The following MYO1B variants were observed in gnomAD, a reference collection of about 807,000 sequenced individuals.
The protein encoded by MYO1B is unconventional myosin-Ib.
Under a neutral mutation model 159.7 loss-of-function variants are expected in MYO1B, and 72 were observed. That is an observed-to-expected ratio of 0.45 (90% CI 0.37 to 0.55). The LOEUF (loss-of-function observed/expected upper bound fraction) is 0.55. Ranked by LOEUF, MYO1B falls within the 20% of genes least tolerant of loss-of-function variation. The probability of loss-of-function intolerance (pLI) is 0.00; values close to 1 mark genes in which losing one functional copy is unlikely to be tolerated. For missense variants in MYO1B, 1,062 were observed against 1,364.8 expected, an observed-to-expected ratio of 0.78 and a Z score of 3.50; for synonymous variants, 468 against 473.8, an observed-to-expected ratio of 0.99 and a Z score of 0.16.
chr2:191,370,520 T>C (rs1407290018), intron 13 of MYO1B, among the ~76,000 whole-genome samples: 1 of 152,100 alleles, frequency 6.6e-6, no homozygotes, highest in Non-Finnish European at 1.5e-5. Context: ...TGTGTGTGTG[T>C]GTGTGTGGTG....
At chr2:191,422,707 T>C (rs1395373008) in intron 30 of MYO1B, among the ~76,000 whole-genome samples, 2 of 152,160 alleles carry the variant, frequency 1.3e-5, no homozygotes, top group East Asian at 3.8e-4. Context: ...AAAAACTATG[T>C]AGGACATATG....
intron 21 of MYO1B, among the ~76,000 whole-genome samples, chr2:191,399,994 G>A (rs954391028): frequency 3.9e-5 from 6 of 152,164 alleles, no homozygotes; most frequent in African/African-American, 1.4e-4. Context: ...GAATAAAAAG[G>A]ACAGCTACAG....
intron 1 of MYO1B, among the ~76,000 whole-genome samples, chr2:191,260,187 C>G (rs1009756284): frequency 6.9e-6 from 1 of 145,452 alleles, no homozygotes; most frequent in East Asian, 2.0e-4. Flanking sequence ...GAGTGGGTAG[C>G]TATCCCTGTA....
intron 4 of MYO1B, among the ~76,000 whole-genome samples, chr2:191,336,980 A>G (rs1049561353): frequency 3.3e-5 from 5 of 152,198 alleles, no homozygotes; most frequent in Non-Finnish European, 5.9e-5. Flanking sequence ...CATACATGAT[A>G]TTGCCTATAT....
intron 21 of MYO1B, among the ~76,000 whole-genome samples, chr2:191,396,992 G>T (rs1389666134): frequency 3.9e-5 from 6 of 152,216 alleles, no homozygotes; most frequent in Admixed American, 3.9e-4. Context: ...TGCTGCCAAG[G>T]CTTGGTTCAA....
At chr2:191,387,822 A>G (rs906702169) in intron 17 of MYO1B, 3 of 304,832 alleles carry the variant, frequency 9.8e-6, no homozygotes, top group Non-Finnish European at 1.9e-5. Context: ...TTCATTTGGG[A>G]TTCTTGTTCT....
chr2:191,248,109 CTACTGTTTTCAATA>C, intron 1 of MYO1B: 1 of 746,022 alleles, frequency 1.3e-6, no homozygotes, highest in Non-Finnish European at 1.6e-6. Flanking sequence ...TACCTCCCTT[CTACTGTTTTCAATA>C]GCTGAACATT....
chr2:191,408,416 TAC>T (rs1158483404), intron 25 of MYO1B, among the ~76,000 whole-genome samples: 9 of 152,222 alleles, frequency 5.9e-5, no homozygotes, highest in African/African-American at 2.2e-4. Flanking sequence ...ATATTATTAA[TAC>T]AGTGTTTGCC....
intron 7 of MYO1B, chr2:191,350,468 G>T: frequency 3.4e-6 from 1 of 290,572 alleles, no homozygotes; most frequent in Non-Finnish European, 6.3e-6. Context: ...ATAAATATTT[G>T]CGCTACTGTT....
chr2:191,293,660 A>C (rs902910855), intron 2 of MYO1B, among the ~76,000 whole-genome samples: 2 of 152,130 alleles, frequency 1.3e-5, no homozygotes, highest in Non-Finnish European at 2.9e-5. Context: ...GATTACCAGA[A>C]GTGTTCTCAT....
chr2:191,358,494 GGTT>G (rs1220519723), intron 7 of MYO1B, among the ~76,000 whole-genome samples: 2 of 152,162 alleles, frequency 1.3e-5, no homozygotes, highest in Non-Finnish European at 2.9e-5. Flanking sequence ...TGAACTTGGT[GGTT>G]GTTATCTGCT....
At chr2:191,252,690 A>T (rs1256703557) in intron 1 of MYO1B, among the ~76,000 whole-genome samples, 1 of 152,194 alleles carries the variant, frequency 6.6e-6, no homozygotes, top group African/African-American at 2.4e-5. Flanking sequence ...GATCTGAGAA[A>T]CTGACTCCAA....
chr2:191,411,512 T>G (rs1473271567), intron 27 of MYO1B, among the ~76,000 whole-genome samples: 2 of 152,244 alleles, frequency 1.3e-5, no homozygotes, highest in African/African-American at 4.8e-5. Context: ...TTTCAAAGAC[T>G]AGCCAAATTT....
At chr2:191,281,960 T>C (rs1688088221) in intron 2 of MYO1B, among the ~76,000 whole-genome samples, 1 of 152,174 alleles carries the variant, frequency 6.6e-6, no homozygotes, top group African/African-American at 2.4e-5. Context: ...GTTATAGAAG[T>C]TAATACTAGA....
intron 1 of MYO1B, among the ~76,000 whole-genome samples, chr2:191,265,787 C>A (rs150405732): frequency 6.6e-6 from 1 of 152,292 alleles, no homozygotes; most frequent in African/African-American, 2.4e-5. Context: ...GATGTAACAG[C>A]GGTTTATAGT....
intron 9 of MYO1B, among the ~76,000 whole-genome samples, chr2:191,362,576 G>A (rs1193179366): frequency 6.6e-6 from 1 of 152,120 alleles, no homozygotes; most frequent in East Asian, 1.9e-4. Context: ...TTTTATTAGA[G>A]CATGTGATTT....
chr2:191,348,238 A>G (rs1317427439), intron 6 of MYO1B, among the ~76,000 whole-genome samples: 3 of 151,242 alleles, frequency 2.0e-5, no homozygotes, highest in South Asian at 2.1e-4. Context: ...TGTTTATTCT[A>G]CTCTCCTCAA....
chr2:191,256,138 A>T (rs1686429711), intron 1 of MYO1B, among the ~76,000 whole-genome samples: 1 of 152,234 alleles, frequency 6.6e-6, no homozygotes, highest in Non-Finnish European at 1.5e-5. Context: ...TGGGGCAGGC[A>T]TGACTGAGCT....
intron 21 of MYO1B, among the ~76,000 whole-genome samples, chr2:191,397,949 A>C (rs1305945625): frequency 2.6e-4 from 4 of 15,130 alleles, no homozygotes; most frequent in African/African-American, 3.9e-4. Context: ...GGGCGGGCCG[A>C]CCCCCCCACC....
Sources: allele counts gnomAD v4.1 joint callset (sites outside exome capture counted in the v4.1 genomes callset), GRCh38; gene constraint gnomAD v4.1.1; transcripts MANE v1.5; gene names NCBI Gene and HGNC (gene_info 2026-07-23, HGNC 2026-07-21).